Variants in CSMD3 observed in about 807,000 individuals in gnomAD.
The protein encoded by CSMD3 is CUB and sushi domain-containing protein 3.
Under a neutral mutation model 435.2 loss-of-function variants are expected in CSMD3, and 177 were observed. The ratio of observed to expected loss-of-function variants is 0.41; its 90% CI spans 0.36 to 0.46. The LOEUF is 0.46. CSMD3 is among the 20% of genes least tolerant of loss of function. The pLI, the probability that CSMD3 is intolerant of heterozygous loss-of-function variation, is 0.34. For missense variants in CSMD3, 4,265 were observed against 4,504.6 expected (o/e 0.95, Z 1.52); for synonymous variants, 1,656 against 1,520.5 (o/e 1.09, Z -2.07).
chr8:112,325,649 T>C (rs1037407244), intron 45 of CSMD3, among the ~76,000 whole-genome samples: 3 of 152,046 alleles, frequency 2.0e-5, no homozygotes, highest in African/African-American at 7.2e-5. Flanking sequence ...GCCGAATTAG[T>C]GTATATACAT....
At chr8:112,780,072 T>C (rs949426638) in intron 13 of CSMD3, among the ~76,000 whole-genome samples, 2 of 152,054 alleles carry the variant, frequency 1.3e-5, no homozygotes, top group East Asian at 1.9e-4. Context: ...ATTATTGACA[T>C]TGAGGGGAAA....
At chr8:113,083,980 A>G (rs891534533) in intron 5 of CSMD3, among the ~76,000 whole-genome samples, 2 of 152,190 alleles carry the variant, frequency 1.3e-5, no homozygotes, top group Non-Finnish European at 2.9e-5. Context: ...CTTGAAAAAA[A>G]TAATAATAAA....
At chr8:112,815,727 A>C (rs2132409704) in intron 12 of CSMD3, among the ~76,000 whole-genome samples, 1 of 152,312 alleles carries the variant, frequency 6.6e-6, no homozygotes, top group South Asian at 2.1e-4. Flanking sequence ...TGCAAGCAAA[A>C]CAGAAGTAAA....
intron 3 of CSMD3, among the ~76,000 whole-genome samples, chr8:113,212,236 A>T (rs905799894): frequency 6.6e-6 from 1 of 152,196 alleles, no homozygotes; most frequent in Non-Finnish European, 1.5e-5. Context: ...AAGACAATAG[A>T]TTAATAATTT....
At chr8:112,470,022 T>G (rs1357529733) in intron 32 of CSMD3, among the ~76,000 whole-genome samples, 1 of 152,074 alleles carries the variant, frequency 6.6e-6, no homozygotes, top group Non-Finnish European at 1.5e-5. Flanking sequence ...GAAATCTGAT[T>G]TGTAGAGATC....
intron 9 of CSMD3, among the ~76,000 whole-genome samples, chr8:112,945,946 C>A (rs2083597918): frequency 6.6e-6 from 1 of 151,614 alleles, no homozygotes; most frequent in Admixed American, 6.6e-5. Context: ...TAGGTACCCA[C>A]CTTGAGACAT....
chr8:112,409,482 T>C (rs2130088192), intron 32 of CSMD3, among the ~76,000 whole-genome samples: 1 of 152,130 alleles, frequency 6.6e-6, no homozygotes, highest in African/African-American at 2.4e-5. Flanking sequence ...TCCTTAAAAA[T>C]GTTATTCCAT....
chr8:113,079,296 G>A (rs72683890), intron 5 of CSMD3, among the ~76,000 whole-genome samples: 16,808 of 152,064 alleles, frequency 0.11, 1,001 homozygotes, highest in Middle Eastern at 0.18. Context: ...TTCTAAGATT[G>A]GCAAATTAAA....
chr8:112,231,711 T>A (rs1813103815), intron 68 of CSMD3, 79 bp from the exon 69 acceptor site: 1 of 896,120 alleles, frequency 1.1e-6, no homozygotes, highest in Admixed American at 1.8e-5. Flanking sequence ...ATACACAATT[T>A]TATTCTGAAA....
intron 27 of CSMD3, among the ~76,000 whole-genome samples, chr8:112,531,297 C>A (rs1825511838): frequency 2.0e-5 from 3 of 152,138 alleles, no homozygotes. Flanking sequence ...CAGGATGGAA[C>A]AAACCCAAAT....
intron 6 of CSMD3, among the ~76,000 whole-genome samples, chr8:112,988,697 C>CT (rs1198776459): frequency 1.3e-5 from 2 of 151,968 alleles, no homozygotes; most frequent in African/African-American, 2.4e-5. Flanking sequence ...TGCAAGTCGT[C>CT]TTTTTTCCCA....
At chr8:112,546,954 G>GT (rs1563686823) in intron 27 of CSMD3, among the ~76,000 whole-genome samples, 2 of 152,144 alleles carry the variant, frequency 1.3e-5, no homozygotes, top group African/African-American at 4.8e-5. Context: ...GGGGAAACAC[G>GT]TATCACCTGT....
chr8:112,504,112 C>A, intron 29 of CSMD3, 135 bp from the exon 30 acceptor site: 2 of 564,148 alleles, frequency 3.5e-6, no homozygotes, highest in Non-Finnish European at 3.0e-6. Flanking sequence ...TCAAAATAAG[C>A]TAATATAAAA....
chr8:112,394,764 T>C (rs1414826598), intron 35 of CSMD3, among the ~76,000 whole-genome samples: 1 of 152,226 alleles, frequency 6.6e-6, no homozygotes, highest in Non-Finnish European at 1.5e-5. Flanking sequence ...AAGAAAAGAA[T>C]ATATTTCTTG....
chr8:112,503,847 A>G lies in CSMD3; in HGVS notation c.5026T>C (p.Leu1676=). 1.2e-6 allele frequency: 2 copies of G among 1,613,194 alleles called. No homozygotes were observed. The highest frequency in any genetic ancestry group is 8.5e-7 in the Non-Finnish European group (1 of 1,179,498). ...ACAGATCCATCACTCCGAAAAGCCA[A>G]ATGCATTGTATTTGAGCTGCTTTCT... ...RIESSSNTMH[L]AFRSDGSVSY... The change falls in exon 30 of 71, where the codon TTG becomes CTG. Residue 1676 remains leucine, a synonymous_variant. Transcript: ENST00000297405.
chr8:112,267,361 T>C (rs1335124085), intron 59 of CSMD3, among the ~76,000 whole-genome samples: 1 of 152,132 alleles, frequency 6.6e-6, no homozygotes, highest in Non-Finnish European at 1.5e-5. Flanking sequence ...TCAGGACTGC[T>C]TTCCTTCCTA....
intron 10 of CSMD3, among the ~76,000 whole-genome samples, chr8:112,899,944 A>T (rs2082065172): frequency 6.6e-6 from 1 of 151,046 alleles, no homozygotes; most frequent in Admixed American, 6.6e-5. Context: ...AGAATAAAGT[A>T]CCTTCAATTT....
At chr8:112,516,915 C>G (rs996837279) in intron 28 of CSMD3, 119 bp downstream of exon 28, 11 of 758,122 alleles carry the variant, frequency 1.5e-5, no homozygotes, top group Non-Finnish European at 2.2e-5. Flanking sequence ...GTTAATAATC[C>G]TCTGAAATCT....
intron 5 of CSMD3, among the ~76,000 whole-genome samples, chr8:113,061,247 C>T (rs1187190974): frequency 2.0e-5 from 3 of 152,000 alleles, no homozygotes; most frequent in Non-Finnish European, 4.4e-5. Context: ...GGTATGCAGT[C>T]CCTGAAAATT....
Sources: gnomAD v4.1 joint callset for allele counts (sites outside exome capture counted in the v4.1 genomes callset) on GRCh38, gnomAD v4.1.1 for gene constraint, MANE v1.5 for transcripts, NCBI Gene and HGNC (gene_info 2026-07-23, HGNC 2026-07-21) for gene names.